Variants in NOX4 observed in about 807,000 individuals in gnomAD.
The protein encoded by NOX4 is kidney oxidase-1.
In NOX4, 69 loss-of-function variants were observed where a neutral mutation model predicts 87.6. The ratio of observed to expected loss-of-function variants is 0.79; its 90% confidence interval spans 0.65 to 0.96. The LOEUF is 0.96. Ranked by LOEUF, NOX4 falls within the 40% of genes least tolerant of loss-of-function variation. NOX4 has a pLI of 0.00. For synonymous variants in NOX4, 275 were observed against 238.2 expected, an observed-to-expected ratio of 1.15 and a Z score of -1.42; for missense variants, 680 against 681.5, an observed-to-expected ratio of 1.00 and a Z score of 0.02.
chr11:89,577,295 A>C, the NOX4 span: 1 of 152,196 alleles, frequency 6.6e-6, no homozygotes, highest in Admixed American at 6.5e-5. Flanking sequence ...ATGATATATA[A>C]GATAGATCTA....
chr11:89,451,958 T>G, intron 2 of NOX4, 63 bp from the exon 3 acceptor site: 2 of 1,107,342 alleles, frequency 1.8e-6, no homozygotes, highest in Non-Finnish European at 2.8e-6. Flanking sequence ...GTCCTGGCTC[T>G]AGAAGCTAGA....
intron 11 of NOX4, among the ~76,000 whole-genome samples, chr11:89,375,308 G>A (rs1446971644): frequency 6.6e-6 from 1 of 151,734 alleles, no homozygotes; most frequent in African/African-American, 2.4e-5. Context: ...TGTAACTTTT[G>A]TTGTTGTTGT....
At chr11:89,372,591 C>T (rs1201704066) in intron 12 of NOX4, among the ~76,000 whole-genome samples, 1 of 151,962 alleles carries the variant, frequency 6.6e-6, no homozygotes, top group Admixed American at 6.6e-5. Flanking sequence ...TGCCTGACTC[C>T]TAAGCTTCAG....
intron 11 of NOX4, among the ~76,000 whole-genome samples, chr11:89,384,088 C>A (rs1480134798): frequency 1.3e-5 from 2 of 152,130 alleles, no homozygotes; most frequent in African/African-American, 4.8e-5. Flanking sequence ...TGTCCAAAAA[C>A]CAGACAAGTC....
At chr11:89,417,625 C>T (rs1942857013) in intron 8 of NOX4, among the ~76,000 whole-genome samples, 2 of 152,108 alleles carry the variant, frequency 1.3e-5, no homozygotes, top group African/African-American at 4.8e-5. Context: ...CATCAAATTA[C>T]TTTGTTGATA....
At chr11:89,582,345 T>C in the NOX4 span, among the ~76,000 whole-genome samples, 5 of 152,162 alleles carry the variant, frequency 3.3e-5, no homozygotes, top group East Asian at 9.6e-4. Flanking sequence ...ACAATGAACA[T>C]GAAAGTACAG....
the NOX4 span, among the ~76,000 whole-genome samples, chr11:89,505,843 T>G: frequency 6.6e-6 from 1 of 151,870 alleles, no homozygotes; most frequent in African/African-American, 2.4e-5. Flanking sequence ...ATATTTAGTC[T>G]TCCTCCTAAA....
chr11:89,430,642 T>C (rs1042363228), intron 7 of NOX4, among the ~76,000 whole-genome samples: 2 of 152,242 alleles, frequency 1.3e-5, no homozygotes, highest in East Asian at 3.9e-4. Context: ...GAATCCAACT[T>C]ACAAGGGATG....
the NOX4 span, among the ~76,000 whole-genome samples, chr11:89,517,540 A>T: frequency 6.6e-6 from 1 of 151,874 alleles, no homozygotes; most frequent in Admixed American, 6.6e-5. Flanking sequence ...CAGAGGCATG[A>T]TCATAGCTCA....
intron 11 of NOX4, among the ~76,000 whole-genome samples, chr11:89,384,692 A>T (rs1314087851): frequency 6.6e-6 from 1 of 152,042 alleles, no homozygotes; most frequent in Non-Finnish European, 1.5e-5. Context: ...CTCCCACACT[A>T]GCTCTCCCTA....
chr11:89,362,417 T>C (rs1377784458), intron 12 of NOX4, among the ~76,000 whole-genome samples: 1 of 152,124 alleles, frequency 6.6e-6, no homozygotes. Flanking sequence ...TGTCAATCCA[T>C]TTTGATTACT....
intron 2 of NOX4, among the ~76,000 whole-genome samples, chr11:89,467,160 AAC>A (rs1945731058): frequency 6.6e-6 from 1 of 151,718 alleles, no homozygotes; most frequent in Non-Finnish European, 1.5e-5. Flanking sequence ...CATGCTGGCT[AAC>A]ACAGTGAAAC....
At chr11:89,538,074 G>C in the NOX4 span, among the ~76,000 whole-genome samples, 1 of 152,030 alleles carries the variant, frequency 6.6e-6, no homozygotes, top group Non-Finnish European at 1.5e-5. Flanking sequence ...CTGGTGTCTT[G>C]TTTTGTTTTA....
chr11:89,357,915 C>T (rs1017101828), intron 12 of NOX4, among the ~76,000 whole-genome samples: 4 of 151,904 alleles, frequency 2.6e-5, no homozygotes, highest in South Asian at 2.1e-4. Context: ...CAGATGCACA[C>T]GTGTGTGTGC....
At chr11:89,369,863 A>G (rs891313915) in intron 12 of NOX4, among the ~76,000 whole-genome samples, 5 of 151,984 alleles carry the variant, frequency 3.3e-5, no homozygotes, top group African/African-American at 7.2e-5. Context: ...TGTTGTCATA[A>G]TAAAGTAATA....
chr11:89,433,693 C>A (rs939018998), intron 6 of NOX4, among the ~76,000 whole-genome samples: 19 of 152,040 alleles, frequency 1.2e-4, no homozygotes, highest in African/African-American at 4.6e-4. Context: ...TACTTGCAGA[C>A]ATATTTCTCC....
intron 2 of NOX4, among the ~76,000 whole-genome samples, chr11:89,456,912 C>A (rs1945228630): frequency 6.6e-6 from 1 of 152,154 alleles, no homozygotes; most frequent in Admixed American, 6.5e-5. Context: ...GGTGGTGTTG[C>A]AAATGGGATG....
intron 15 of NOX4, among the ~76,000 whole-genome samples, chr11:89,338,743 T>A (rs1945836902): frequency 6.6e-6 from 1 of 152,130 alleles, no homozygotes; most frequent in Non-Finnish European, 1.5e-5. Flanking sequence ...CTACCTTGAT[T>A]TTTTTTCTCC....
At chr11:89,587,825 T>C in the NOX4 span, among the ~76,000 whole-genome samples, 1 of 152,266 alleles carries the variant, frequency 6.6e-6, no homozygotes, top group Admixed American at 6.5e-5. Flanking sequence ...TTTGAAAGGA[T>C]TGGGATTGGG....
Sources: allele counts gnomAD v4.1 joint callset (sites outside exome capture counted in the v4.1 genomes callset), GRCh38; gene constraint gnomAD v4.1.1; transcripts MANE v1.5; gene names NCBI Gene and HGNC (gene_info 2026-07-23, HGNC 2026-07-21).